The following CNTN5 variants were observed in gnomAD, a reference collection of about 807,000 sequenced individuals.
CNTN5 encodes the protein contactin-5.
CNTN5 carries 77 observed loss-of-function variants against 129.1 expected under a neutral mutation model. That is an observed-to-expected ratio of 0.60 (90% CI 0.50 to 0.72). CNTN5 has a LOEUF of 0.72. CNTN5 is among the 30% of genes least tolerant of loss of function. The pLI is 0.00. For missense variants in CNTN5, 1,478 were observed against 1,328.8 expected (o/e 1.11, Z -1.75); for synonymous variants, 509 against 465.6 (o/e 1.09, Z -1.20).
chr11:99,114,715 A>G (rs957926919), intron 1 of CNTN5, among the ~76,000 whole-genome samples: 2 of 152,014 alleles, frequency 1.3e-5, no homozygotes, highest in African/African-American at 4.8e-5. Context: ...GGTAATTAGA[A>G]CTCAAGTTTG....
chr11:99,592,855 G>A (rs1489060215), intron 3 of CNTN5, among the ~76,000 whole-genome samples: 1 of 152,150 alleles, frequency 6.6e-6, no homozygotes, highest in East Asian at 1.9e-4. Flanking sequence ...AGTAAGAAAT[G>A]ATGGTGGGTT....
At chr11:99,609,110 A>G (rs1950520239) in intron 3 of CNTN5, among the ~76,000 whole-genome samples, 1 of 152,184 alleles carries the variant, frequency 6.6e-6, no homozygotes. Flanking sequence ...CATATAGCTT[A>G]GAATGGATGT....
intron 3 of CNTN5, among the ~76,000 whole-genome samples, chr11:99,745,697 C>G (rs1482243878): frequency 6.6e-6 from 1 of 151,166 alleles, no homozygotes; most frequent in Non-Finnish European, 1.5e-5. Context: ...TCCTGCCAAC[C>G]TTAGTTAAGC....
intron 3 of CNTN5, among the ~76,000 whole-genome samples, chr11:99,719,149 T>C (rs1031971759): frequency 5.3e-5 from 8 of 151,936 alleles, no homozygotes; most frequent in African/African-American, 1.7e-4. Context: ...TGAAACCCCA[T>C]CTCTAGTAAG....
chr11:99,362,735 G>T (rs189318968), intron 2 of CNTN5, among the ~76,000 whole-genome samples: 5 of 151,272 alleles, frequency 3.3e-5, no homozygotes, highest in Admixed American at 3.3e-4. Context: ...CATTATCTTC[G>T]ATGTGGATAT....
At chr11:99,514,991 T>G (rs1326930612) in intron 2 of CNTN5, among the ~76,000 whole-genome samples, 4 of 152,046 alleles carry the variant, frequency 2.6e-5, no homozygotes, top group Non-Finnish European at 2.9e-5. Flanking sequence ...AAAAACGATG[T>G]GCAATTGTTA....
intron 3 of CNTN5, among the ~76,000 whole-genome samples, chr11:99,801,675 C>T (rs369745615): frequency 1.3e-3 from 204 of 152,022 alleles, no homozygotes; most frequent in African/African-American, 4.3e-3. Flanking sequence ...TTGAAAAGAT[C>T]GGTTTAAGCT....
intron 17 of CNTN5, among the ~76,000 whole-genome samples, chr11:100,258,596 GA>G (rs1950127892): frequency 6.6e-6 from 1 of 152,060 alleles, no homozygotes; most frequent in Non-Finnish European, 1.5e-5. Flanking sequence ...TCTCTCAGCA[GA>G]AACTCTACAA....
At chr11:99,878,151 CT>C (rs1948681655) in intron 6 of CNTN5, among the ~76,000 whole-genome samples, 1 of 152,166 alleles carries the variant, frequency 6.6e-6, no homozygotes, top group Non-Finnish European at 1.5e-5. Flanking sequence ...TTTTAACCTT[CT>C]TATTTTAGAG....
intron 1 of CNTN5, among the ~76,000 whole-genome samples, chr11:99,147,208 A>T (rs996761766): frequency 6.6e-6 from 1 of 152,200 alleles, no homozygotes; most frequent in Non-Finnish European, 1.5e-5. Context: ...CCAAAACAGA[A>T]AGTTTCTTTT....
intron 6 of CNTN5, among the ~76,000 whole-genome samples, chr11:99,870,395 A>C (rs1372226): frequency 0.98 from 149,427 of 152,160 alleles, 73,411 homozygotes; most frequent in East Asian, 1. Flanking sequence ...ATAATATAAT[A>C]TAAATAATAG....
At chr11:99,524,833 T>A (rs974506020) in intron 2 of CNTN5, among the ~76,000 whole-genome samples, 1 of 152,080 alleles carries the variant, frequency 6.6e-6, no homozygotes, top group African/African-American at 2.4e-5. Context: ...TGTATTTATA[T>A]GTATATATAT....
At chr11:99,132,799 G>A (rs117736407) in intron 1 of CNTN5, among the ~76,000 whole-genome samples, 98 of 152,282 alleles carry the variant, frequency 6.4e-4, no homozygotes, top group Non-Finnish European at 1.1e-3. Flanking sequence ...TTCATAGGAA[G>A]AATCAGTATC....
chr11:100,019,761 T>G (rs1941028567), intron 9 of CNTN5, among the ~76,000 whole-genome samples: 1 of 151,968 alleles, frequency 6.6e-6, no homozygotes, highest in African/African-American at 2.4e-5. Flanking sequence ...GAGAAATCTT[T>G]ATAATCTTTT....
At chr11:99,929,949 G>C (rs2136070986) in intron 7 of CNTN5, among the ~76,000 whole-genome samples, 1 of 152,268 alleles carries the variant, frequency 6.6e-6, no homozygotes, top group Middle Eastern at 3.4e-3. Context: ...CATTTGGAAG[G>C]ACCCAAGTTG....
intron 2 of CNTN5, among the ~76,000 whole-genome samples, chr11:99,436,370 A>G (rs1591054009): frequency 6.6e-6 from 1 of 152,230 alleles, no homozygotes; most frequent in Admixed American, 6.5e-5. Context: ...CAGATCCACA[A>G]TGAGACTACT....
chr11:99,977,939 A>G (rs1451140230), intron 8 of CNTN5, among the ~76,000 whole-genome samples: 1 of 152,242 alleles, frequency 6.6e-6, no homozygotes, highest in African/African-American at 2.4e-5. Flanking sequence ...ATTTCAGTGC[A>G]GTAATTTCAC....
chr11:100,327,121 C>T (rs1272995927), intron 21 of CNTN5, among the ~76,000 whole-genome samples: 2 of 152,236 alleles, frequency 1.3e-5, no homozygotes, highest in African/African-American at 2.4e-5. Context: ...CAAAAACTAA[C>T]TTGATACCGC....
intron 1 of CNTN5, among the ~76,000 whole-genome samples, chr11:99,133,848 G>C (rs569464062): frequency 6.6e-6 from 1 of 152,144 alleles, no homozygotes; most frequent in Non-Finnish European, 1.5e-5. Flanking sequence ...AGACAATGTG[G>C]TGATTCCTCA....
Sources: gnomAD v4.1 joint callset for allele counts (sites outside exome capture counted in the v4.1 genomes callset) on GRCh38, gnomAD v4.1.1 for gene constraint, MANE v1.5 for transcripts, NCBI Gene and HGNC (gene_info 2026-07-23, HGNC 2026-07-21) for gene names.